The following RBM23 variants were observed in gnomAD, a reference collection of about 807,000 sequenced individuals.
RBM23 encodes probable RNA-binding protein 23.
Under a neutral mutation model 56.2 loss-of-function variants are expected in RBM23, and 53 were observed. The ratio of observed to expected loss-of-function variants is 0.94; its 90% CI spans 0.76 to 1.19. RBM23 has a LOEUF of 1.19. Ranked by LOEUF, RBM23 falls within the 50% of genes most tolerant of loss-of-function variation. The pLI is 0.00. For synonymous variants in RBM23, 197 were observed against 198.5 expected, an observed-to-expected ratio of 0.99 and a Z score of 0.06; for missense variants, 642 against 590.3, an observed-to-expected ratio of 1.09 and a Z score of -0.91.
In RBM23 at chr14:22,896,096, C is replaced by G. The variant is rs2040244366; in HGVS notation, c.*5634G>C. On this transcript the variant is annotated 3_prime_UTR_variant, in exon 14 of 14. Coordinates refer to ENST00000359890, the MANE Select transcript of RBM23 (RefSeq NM_001077351.2). ...TGCTTTTCCCCATAAACCTTGAGCT[C>G]TAAAGTTGGGGAGAATGAAGTCAGC... The G allele has an allele frequency of 6.6e-6, 1 of 152,152 alleles. No homozygotes were observed. The highest frequency in any genetic ancestry group is 1.5e-5 in the Non-Finnish European group (1 of 68,038). 9.4% of individuals were successfully genotyped at this position (152,152 alleles called of 1,614,324 possible). A position where few individuals can be genotyped will look rare whatever the true frequency, so the allele number is the denominator to read the frequency against.
In RBM23 at chr14:22,900,803, ATATT is replaced by A. The variant is rs2040396646; in HGVS notation, c.*923_*926del. 2 of 151,924 alleles carry A rather than the reference ATATT, an allele frequency of 1.3e-5. No individual in the cohort carries two copies. The highest frequency in any genetic ancestry group is 4.1e-4 in the South Asian group (2 of 4,824). 9.4% of individuals were successfully genotyped at this position (151,924 alleles called of 1,614,324 possible). ...TTTTTATGTATATATATATGTATAT[ATATT>A]TATGTACACAGACACAAGGGTATAA... is the stretch of plus-strand genomic sequence containing the variant. On this transcript the variant is annotated 3_prime_UTR_variant, in exon 14 of 14. Transcript: ENST00000359890.
chr14:22,903,831 C>A, intron 10 of RBM23: 1 of 1,111,582 alleles, frequency 9.0e-7, no homozygotes, highest in South Asian at 2.3e-5. Context: ...TGATCCTTCT[C>A]GGTGCAGAAA....
rs1190354567 is a variant in RBM23 at position 22,902,069 on chromosome 14, G to C, written c.1157C>G (p.Ala386Gly). 6.2e-7 allele frequency: 1 copy of C among 1,612,804 alleles called. No individual in the cohort carries two copies. Among genetic ancestry groups the C allele is most frequent in the African/African-American group, 1.3e-5 (1 of 74,926 alleles). The stretch of plus-strand genomic sequence containing the variant: ...CTGGGCGGCGGCGGCAGCAGCAGCA[G>C]CAGCAGTGCTTGGCAGTTGGATTCC... ...GAGIQLPSTA[A>G]AAAAAAAQAA... The change falls in exon 12 of 14, where the codon GCT (alanine) becomes GGT (glycine). Residue 386 changes from alanine to glycine, a missense_variant. Physicochemically the swap from Ala to Gly is moderately conservative, Grantham distance 60 (BLOSUM62 0). Transcript: ENST00000359890.
chr14:22,912,950 A>C (rs2042802911), intron 1 of RBM23, among the ~76,000 whole-genome samples: 1 of 129,498 alleles, frequency 7.7e-6, no homozygotes, highest in Non-Finnish European at 1.6e-5. Context: ...CAGTTAGCCA[A>C]GATTGTGCCA....
chr14:22,918,126 G>T (rs2043885810), intron 1 of RBM23, among the ~76,000 whole-genome samples: 1 of 152,312 alleles, frequency 6.6e-6, no homozygotes, highest in South Asian at 2.1e-4. Flanking sequence ...CGGGCGCGGT[G>T]GCTCACGCCT....
In RBM23 at chr14:22,896,168, A is replaced by G. The variant is rs2040245504; in HGVS notation, c.*5562T>C. 6.6e-6 allele frequency: 1 copy of G among 152,208 alleles called. No homozygotes were observed. The highest frequency in any genetic ancestry group is 2.1e-4 in the South Asian group (1 of 4,836). 9.4% of individuals were successfully genotyped at this position (152,208 alleles called of 1,614,324 possible). On this transcript the variant is annotated 3_prime_UTR_variant, in exon 14 of 14. Coordinates refer to ENST00000359890, the MANE Select transcript of RBM23 (RefSeq NM_001077351.2). ...ATCCAGAGGAGTGAAAATACTGAGG[A>G]CAGTAATGAGCCAAGTTCCAAACCT... is the stretch of plus-strand genomic sequence containing the variant.
rs1239774042 is a variant in RBM23 at position 22,914,579 on chromosome 14, TAC to T, written c.-10-3178_-10-3177del. Reference sequence around the variant, plus strand: ...GCATGAAAGTGTACACTTTAATGTATACAGTTTTATCGTGTGCCCATTAAATG... The same window carrying T: ...GCATGAAAGTGTACACTTTAATGTATAGTTTTATCGTGTGCCCATTAAATG... On this transcript the variant is annotated intron_variant, in intron 1 of 13. Coordinates refer to ENST00000359890, the MANE Select transcript of RBM23 (RefSeq NM_001077351.2). Among the ~76,000 whole-genome samples the T allele has an allele frequency of 5.9e-5, 9 of 152,136 alleles. No individual in the cohort carries two copies. In the East Asian group the frequency reaches 1.4e-3, roughly 23 times the overall value.
In RBM23 at chr14:22,901,598, A is replaced by G; in HGVS notation, c.*132T>C. On this transcript the variant is annotated 3_prime_UTR_variant, in exon 14 of 14. Transcript: ENST00000359890. ...TTCTTGGTATCTTAAGGGTGGCCCC[A>G]ATTTCCTCAGAGACAATGTCCATGC... 2 of 1,362,102 alleles carry G rather than the reference A, an allele frequency of 1.5e-6. No individual in the cohort carries two copies. Among genetic ancestry groups the G allele is most frequent in the Non-Finnish European group, 1.0e-6 (1 of 970,806 alleles). The allele number at this position is 1,362,102 out of a possible 1,614,324, so 84.4% of individuals were successfully genotyped here.
Position 22,900,513 on chromosome 14 carries a change from A to C in RBM23, c.*1217T>G, listed in dbSNP as rs1366056650. 2 of 152,162 alleles carry C rather than the reference A, an allele frequency of 1.3e-5. No individual in the cohort carries two copies. Among genetic ancestry groups the C allele is most frequent in the African/African-American group, 4.8e-5 (2 of 41,426 alleles). 9.4% of individuals were successfully genotyped at this position (152,162 alleles called of 1,614,324 possible). A position where few individuals can be genotyped will look rare whatever the true frequency, so the allele number is the denominator to read the frequency against. On this transcript the variant is annotated 3_prime_UTR_variant, in exon 14 of 14. Transcript: ENST00000359890. ...TCTGTCCAGTGGGTAGCTGGGATGG[A>C]GATAGTTAGGATGAAGATAGATGGA...
Position 22,902,287 on chromosome 14 carries a change from T to C in RBM23, c.1026A>G (p.Arg342=), listed in dbSNP as rs2040677290. ...RPMRVGHVTE[R]LDGGTDITFP... ...AAGTGATGTCTGTGCCACCATCCAG[T>C]CGCTCAGTCACATGGCCAACCCTCA... Residue 342 remains arginine, a synonymous_variant, in exon 11 of 14, where the codon CGA becomes CGG. Coordinates refer to ENST00000359890, the MANE Select transcript of RBM23 (RefSeq NM_001077351.2). 6.2e-7 allele frequency: 1 copy of C among 1,614,034 alleles called. No homozygotes were observed. The highest frequency in any genetic ancestry group is 8.5e-7 in the Non-Finnish European group (1 of 1,180,034).
At chr14:22,914,319 G>C (rs2043117798) in intron 1 of RBM23, among the ~76,000 whole-genome samples, 1 of 94,902 alleles carries the variant, frequency 1.1e-5, no homozygotes, top group Non-Finnish European at 2.0e-5. Flanking sequence ...GCAAGACTCT[G>C]TCTCAAAAAA....
Position 22,897,564 on chromosome 14 carries a change from A to T in RBM23, c.*4166T>A, listed in dbSNP as rs2040267547. ...GCTTCTCAATGCACATGCCCATGCTATCTCCCAGGGCCCTTGTAGCAGAAA... is the reference window on the plus strand; with the variant it reads ...GCTTCTCAATGCACATGCCCATGCTTTCTCCCAGGGCCCTTGTAGCAGAAA... On this transcript the variant is annotated 3_prime_UTR_variant, in exon 14 of 14. Transcript: ENST00000359890. 1 of 152,228 alleles carries T rather than the reference A, an allele frequency of 6.6e-6. No homozygotes were observed. The highest frequency in any genetic ancestry group is 2.4e-5 in the African/African-American group (1 of 41,454). The allele number at this position is 152,228 out of a possible 1,614,324, so 9.4% of individuals were successfully genotyped here. A position where few individuals can be genotyped will look rare whatever the true frequency, so the allele number is the denominator to read the frequency against.
intron 9 of RBM23, among the ~76,000 whole-genome samples, chr14:22,904,548 T>C: frequency 6.6e-6 from 1 of 151,434 alleles, no homozygotes; most frequent in South Asian, 2.1e-4. Flanking sequence ...CGAGGCTCAC[T>C]ACAGCCTTGA....
Position 22,899,161 on chromosome 14 carries a change from G to C in RBM23, c.*2569C>G, listed in dbSNP as rs765763723. The C allele has an allele frequency of 6.6e-6, 1 of 152,112 alleles. No homozygotes were observed. The highest frequency in any genetic ancestry group is 2.4e-5 in the African/African-American group (1 of 41,406). The allele number at this position is 152,112 out of a possible 1,614,324, so 9.4% of individuals were successfully genotyped here. The stretch of plus-strand genomic sequence containing the variant: ...CAGTGTTGAAGATGGGGCTTAATAC[G>C]AGGTGACTGAGTCACAAGGACAGAG... On this transcript the variant is annotated 3_prime_UTR_variant, in exon 14 of 14. Coordinates refer to ENST00000359890, the MANE Select transcript of RBM23 (RefSeq NM_001077351.2).
chr14:22,908,260 A>G (rs2041898522), intron 4 of RBM23, 73 bp downstream of exon 4: 1 of 1,504,716 alleles, frequency 6.6e-7, no homozygotes, highest in Non-Finnish European at 9.0e-7. Context: ...GCCTGAAGTG[A>G]TCCTCCCGCC....
intron 3 of RBM23, 30 bp from the exon 4 acceptor site, chr14:22,908,410 T>G (rs1365574917): frequency 6.5e-7 from 1 of 1,540,424 alleles, no homozygotes; most frequent in Non-Finnish European, 8.7e-7. Flanking sequence ...CTTCTTTTTT[T>G]TTTTTTAATT....
chr14:22,909,162 C>G (rs113966566), intron 3 of RBM23, among the ~76,000 whole-genome samples: 9 of 151,968 alleles, frequency 5.9e-5, no homozygotes, highest in Non-Finnish European at 8.8e-5. Context: ...AATCTGGTCT[C>G]GAACTCCTGA....
At chr14:22,905,478 C>A (rs771389754) in intron 6 of RBM23, 25 bp from the exon 7 acceptor site, 1 of 1,610,210 alleles carries the variant, frequency 6.2e-7, no homozygotes, top group South Asian at 1.1e-5. Flanking sequence ...GTGTTGAGAC[C>A]AGCCCTCCCA....
At chr14:22,909,643 C>T in intron 2 of RBM23, 48 bp from the exon 3 acceptor site, 1 of 1,426,354 alleles carries the variant, frequency 7.0e-7, no homozygotes, top group Non-Finnish European at 9.9e-7. Context: ...GTGGCAGACA[C>T]ACAGATTCCA....
Sources: gnomAD v4.1 joint callset for allele counts (sites outside exome capture counted in the v4.1 genomes callset) on GRCh38, gnomAD v4.1.1 for gene constraint, MANE v1.5 for transcripts, NCBI Gene and HGNC (gene_info 2026-07-23, HGNC 2026-07-21) for gene names.